QSER1: variants seen among roughly 807,000 people sequenced by gnomAD.
The protein encoded by QSER1 is glutamine and serine rich 1, also known as glutamine and serine-rich protein 1.
In QSER1, 49 loss-of-function variants were observed where a neutral mutation model predicts 158.5. The ratio of observed to expected loss-of-function variants is 0.31; its 90% CI spans 0.25 to 0.39. QSER1 has a LOEUF of 0.39. Among genes scored for constraint, QSER1 ranks in the 10% least tolerant of loss-of-function variants. QSER1 has a pLI of 1.00. For missense variants in QSER1, 1,754 were observed against 2,010.3 expected, an observed-to-expected ratio of 0.87 and a Z score of 2.44; for synonymous variants, 650 against 715.5, an observed-to-expected ratio of 0.91 and a Z score of 1.46.
At chr11:32,898,915 A>G (rs996730545) in intron 1 of QSER1, among the ~76,000 whole-genome samples, 6 of 152,152 alleles carry the variant, frequency 3.9e-5, no homozygotes, top group Non-Finnish European at 7.3e-5. Flanking sequence ...TAAGGTTTTC[A>G]TACATCGTCT....
At chr11:32,906,446 G>A (rs1361017727) in intron 1 of QSER1, among the ~76,000 whole-genome samples, 3 of 152,130 alleles carry the variant, frequency 2.0e-5, no homozygotes, top group Admixed American at 1.3e-4. Flanking sequence ...GTCTTACTCT[G>A]TCATCCAGGC....
At chr11:32,975,463 T>C in intron 12 of QSER1, 120 bp downstream of exon 12, 1 of 1,525,358 alleles carries the variant, frequency 6.6e-7, no homozygotes, top group South Asian at 1.2e-5. Flanking sequence ...GTATTTTGTC[T>C]ATGTATTCTG....
Position 32,954,076 on chromosome 11 carries a change from T to C in QSER1, c.4397T>C (p.Ile1466Thr), listed in dbSNP as rs201036288. The change falls in exon 5 of 13, where the codon ATA becomes ACA. Residue 1466 changes from isoleucine to threonine, a missense_variant. Around this residue, in one of 2 missense-constraint regions of QSER1, gnomAD observed 1,707 missense variants for 1,919.6 expected, o/e 0.89. Transcript: ENST00000650167. Reference protein sequence around the residue: ...QFAKGQDTVAIEGFTDEEDTE... With the variant: ...QFAKGQDTVATEGFTDEEDTE... ...GCAAAAGGACAGGACACTGTTGCCATAGAAGGTTTTACAGATGAGGAGGAC... is the reference window on the plus strand; with the variant it reads ...GCAAAAGGACAGGACACTGTTGCCACAGAAGGTTTTACAGATGAGGAGGAC... The C allele has an allele frequency of 2.4e-3, 3,865 of 1,614,136 alleles. 5 individuals carry two copies. Among genetic ancestry groups the C allele is most frequent in the Non-Finnish European group, 2.8e-3 (3,361 of 1,180,020 alleles).
rs1179902488 is a variant in QSER1 at position 32,893,371 on chromosome 11, G to A, written c.209+37G>A. ...GGGCGGCGGGGTCGCGGTGGACCAG[G>A]AAAGGCCGGGGATGCGTTTGGGGCC... On this transcript the variant is annotated intron_variant, in intron 1 of 12. Transcript: ENST00000650167. The surrounding 1 kb of genome is among the most constrained non-coding windows in gnomAD (Gnocchi z 4.7). 6.6e-6 allele frequency: 1 copy of A among 152,456 alleles called. No homozygotes were observed. Among genetic ancestry groups the A allele is most frequent in the East Asian group, 1.9e-4 (1 of 5,174 alleles). 9.4% of individuals were successfully genotyped at this position (152,456 alleles called of 1,614,324 possible).
intron 8 of QSER1, among the ~76,000 whole-genome samples, chr11:32,963,158 T>C (rs1361384768): frequency 6.6e-6 from 1 of 152,228 alleles, no homozygotes; most frequent in Non-Finnish European, 1.5e-5. Context: ...ATTTTTATTT[T>C]GTTTTATCTT....
chr11:32,926,817 C>T (rs1851978251), intron 1 of QSER1: 1 of 152,086 alleles, frequency 6.6e-6, no homozygotes, highest in Non-Finnish European at 1.5e-5. Context: ...ATTTAAATTA[C>T]ACTGTAAGCC....
chr11:32,966,200 A>G, intron 8 of QSER1, 100 bp from the exon 9 acceptor site: 1 of 1,302,472 alleles, frequency 7.7e-7, no homozygotes, highest in Non-Finnish European at 1.1e-6. Context: ...ATTTGAAGAA[A>G]TTGTATCTGC....
At chr11:32,975,961 G>C (rs1377751218) in intron 12 of QSER1, among the ~76,000 whole-genome samples, 1 of 152,176 alleles carries the variant, frequency 6.6e-6, no homozygotes, top group African/African-American at 2.4e-5. Flanking sequence ...TATATCTAAT[G>C]TGTTTGACAG....
chr11:32,915,959 C>G (rs1322437015), intron 1 of QSER1, among the ~76,000 whole-genome samples: 3 of 151,512 alleles, frequency 2.0e-5, no homozygotes, highest in Non-Finnish European at 4.4e-5. Context: ...CTCTTGTTGC[C>G]TAGGCTGGAG....
intron 4 of QSER1, among the ~76,000 whole-genome samples, chr11:32,949,120 A>T (rs1852383168): frequency 6.6e-6 from 1 of 152,134 alleles, no homozygotes; most frequent in South Asian, 2.1e-4. Flanking sequence ...GTTTACATTT[A>T]CTTATATATT....
At chr11:32,967,537 G>T (rs943370201) in intron 9 of QSER1, among the ~76,000 whole-genome samples, 12 of 152,078 alleles carry the variant, frequency 7.9e-5, no homozygotes, top group African/African-American at 2.9e-4. Flanking sequence ...TGGCATTATA[G>T]TCTTATGGAA....
Position 32,910,564 on chromosome 11 carries a change from A to G in QSER1, c.210-16593A>G, listed in dbSNP as rs1851753525. On this transcript the variant is annotated intron_variant, in intron 1 of 12. Transcript: ENST00000650167. Reference sequence around the variant, plus strand: ...AGGTCATGATGGCAGGAACTTTGTCATTGTGTATGCCTTTCACTCCTACCT... The same window carrying G: ...AGGTCATGATGGCAGGAACTTTGTCGTTGTGTATGCCTTTCACTCCTACCT... 2.6e-5 allele frequency among the ~76,000 whole-genome samples: 4 copies of G among 152,182 alleles called. No homozygotes were observed. In the South Asian group the frequency reaches 8.3e-4, roughly 31 times the overall value.
rs11032062 is a variant in QSER1, at chr11:32,927,658, C to T, written c.323-304C>T. Among the ~76,000 whole-genome samples the T allele has an allele frequency of 5.3e-4, 80 of 152,276 alleles. No homozygotes were observed. The East Asian group carries it at 8.3e-3, about 16-fold the overall frequency. The stretch of plus-strand genomic sequence containing the variant: ...TCCTGACCTTGTGATCCTTCCACCT[C>T]GGCCTCCAGAAGTGCTGGGATTACA... On this transcript the variant is annotated intron_variant, in intron 2 of 12. Transcript: ENST00000650167.
In QSER1 at chr11:32,932,959, C is replaced by T. The variant is rs760832988; in HGVS notation, c.1701C>T (p.Ser567=). Residue 567 remains serine, a synonymous_variant, in exon 4 of 13, where the codon AGC becomes AGT. Transcript: ENST00000650167. The stretch of plus-strand genomic sequence containing the variant: ...ACTCTCAGGGTTTATCACCAGTTAG[C>T]CAGACACAGGTTAGCTATTCATCTC... The part of the protein sequence containing the change: ...SGHSQGLSPV[S]QTQVSYSSQS... The T allele has an allele frequency of 5.0e-6, 8 of 1,613,068 alleles. No homozygotes were observed. The highest frequency in any genetic ancestry group is 1.1e-5 in the South Asian group (1 of 91,008).
chr11:32,925,633 T>G (rs1851959948), intron 1 of QSER1, among the ~76,000 whole-genome samples: 1 of 152,018 alleles, frequency 6.6e-6, no homozygotes, highest in Non-Finnish European at 1.5e-5. Context: ...GTTCAAGTGA[T>G]TCTCGTGCCT....
chr11:32,927,494 A>G (rs1378240754), intron 2 of QSER1, among the ~76,000 whole-genome samples: 1 of 151,830 alleles, frequency 6.6e-6, no homozygotes, highest in Middle Eastern at 3.2e-3. Flanking sequence ...TGCAACCTCC[A>G]CCTCCCGGGT....
rs1048122637 is a variant in QSER1 at position 32,973,348 on chromosome 11, T to C, written c.5206-49T>C. ...AAATTTTAGATAGCTAGAAGTAGTT[T>C]AGGTTAGTTTTCTTCTGGTGTCAGT... On this transcript the variant is annotated intron_variant, in intron 10 of 12. Coordinates refer to ENST00000650167, the MANE Select transcript of QSER1 (RefSeq NM_001076786.3). 2.5e-6 allele frequency: 4 copies of C among 1,596,660 alleles called. No individual in the cohort carries two copies. The Admixed American group carries it at 6.8e-5, about 27-fold the overall frequency.
chr11:32,958,759 A>C (rs1852569882), intron 8 of QSER1, among the ~76,000 whole-genome samples: 1 of 152,216 alleles, frequency 6.6e-6, no homozygotes, highest in Admixed American at 6.5e-5. Context: ...TCAAATTATA[A>C]TATAGTAATA....
At chr11:32,908,350 C>T (rs531247658) in intron 1 of QSER1, among the ~76,000 whole-genome samples, 1 of 152,314 alleles carries the variant, frequency 6.6e-6, no homozygotes, top group East Asian at 1.9e-4. Context: ...AAACAGCAGA[C>T]AGAAATTCTT....
Sources: gnomAD v4.1 joint callset for allele counts (sites outside exome capture counted in the v4.1 genomes callset) on GRCh38, gnomAD v4.1.1 for gene constraint, gnomAD v4.1.1 regional missense constraint, Gnocchi (gnomAD v3.1) non-coding constraint, MANE v1.5 for transcripts, NCBI Gene and HGNC (gene_info 2026-07-23, HGNC 2026-07-21) for gene names.